The following CDH12 variants were observed in gnomAD, a reference collection of about 807,000 sequenced individuals.
CDH12 encodes cadherin-12.
A neutral mutation model predicts 74.1 loss-of-function variants in CDH12; 41 were observed. The ratio of observed to expected loss-of-function variants is 0.55; its 90% CI spans 0.43 to 0.72. The LOEUF (loss-of-function observed/expected upper bound fraction) is 0.72, where lower values mean the gene tolerates loss of function less well. Among genes scored for constraint, CDH12 ranks in the 30% least tolerant of loss-of-function variants. The probability of loss-of-function intolerance (pLI) is 0.00; values close to 1 mark genes in which losing one functional copy is unlikely to be tolerated. For missense variants in CDH12, 945 were observed against 977.2 expected (o/e 0.97, Z 0.44); for synonymous variants, 399 against 355.0 (o/e 1.12, Z -1.39).
chr5:21,780,302 C>T (rs1488888327), intron 11 of CDH12, among the ~76,000 whole-genome samples: 1 of 152,144 alleles, frequency 6.6e-6, no homozygotes, highest in Non-Finnish European at 1.5e-5. Context: ...GGACTAATAA[C>T]ACTTGCTTCC....
chr5:22,797,224 T>C (rs1337061403), intron 1 of CDH12, among the ~76,000 whole-genome samples: 1 of 149,580 alleles, frequency 6.7e-6, no homozygotes, highest in East Asian at 2.0e-4. Context: ...AGAGCTCTCT[T>C]GCACTTGCTG....
intron 1 of CDH12, among the ~76,000 whole-genome samples, chr5:22,735,817 T>G (rs1399056643): frequency 6.6e-6 from 1 of 151,902 alleles, no homozygotes; most frequent in East Asian, 1.9e-4. Context: ...TACTCATGTG[T>G]CATCTTGGGC....
intron 7 of CDH12, among the ~76,000 whole-genome samples, chr5:21,846,377 T>C (rs552749820): frequency 6.6e-6 from 1 of 152,196 alleles, no homozygotes; most frequent in East Asian, 1.9e-4. Context: ...CCTCACTCCC[T>C]GTGTGTCTGC....
rs1740456913 is a variant in CDH12, at chr5:22,052,663, T to G, written c.231+25783A>C. Among the ~76,000 whole-genome samples, 3 of 152,296 alleles carry G rather than the reference T, an allele frequency of 2.0e-5. No individual in the cohort carries two copies. In the South Asian group the frequency reaches 6.2e-4, roughly 32 times the overall value. Reference sequence around the variant, plus strand: ...AACAAATTGTATTAAAAACTTGTTTTGACAAATGGTATAGGCATTGGTTGT... The same window carrying G: ...AACAAATTGTATTAAAAACTTGTTTGGACAAATGGTATAGGCATTGGTTGT... On this transcript the variant is annotated intron_variant, in intron 5 of 14. Coordinates refer to ENST00000382254, the MANE Select transcript of CDH12 (RefSeq NM_004061.5).
chr5:22,632,154 C>A (rs965470488), intron 1 of CDH12, among the ~76,000 whole-genome samples: 3 of 151,918 alleles, frequency 2.0e-5, no homozygotes, highest in South Asian at 2.1e-4. Context: ...TACACCAAAC[C>A]CCCATGGCAC....
At chr5:22,319,219 T>C (rs778789309) in intron 3 of CDH12, among the ~76,000 whole-genome samples, 1 of 152,196 alleles carries the variant, frequency 6.6e-6, no homozygotes, top group Non-Finnish European at 1.5e-5. Context: ...GCTCCAGTTA[T>C]ATGAATTAGA....
intron 2 of CDH12, among the ~76,000 whole-genome samples, chr5:22,499,773 G>T (rs1470221531): frequency 6.6e-6 from 1 of 152,208 alleles, no homozygotes; most frequent in African/African-American, 2.4e-5. Context: ...CAAAGATAAG[G>T]CAGTGTGACT....
intron 4 of CDH12, among the ~76,000 whole-genome samples, chr5:22,192,301 C>T (rs2150347507): frequency 6.6e-6 from 1 of 152,252 alleles, no homozygotes; most frequent in Non-Finnish European, 1.5e-5. Flanking sequence ...AATATGTAGT[C>T]TGGGCCTGCA....
rs370471285 is a variant in CDH12 at position 22,097,677 on chromosome 5, C to A, written c.-186-18815G>T. Among the ~76,000 whole-genome samples, 9 of 152,198 alleles carry A rather than the reference C, an allele frequency of 5.9e-5. No individual in the cohort carries two copies. The South Asian group carries it at 1.9e-3, about 32-fold the overall frequency. On this transcript the variant is annotated intron_variant, in intron 4 of 14. Coordinates refer to ENST00000382254, the MANE Select transcript of CDH12 (RefSeq NM_004061.5). Reference sequence around the variant, plus strand: ...CCACACCTCACTGCCACCTTTTCCCCCAGTTCAAAGCCTCCTTCACATCCT... The same window carrying A: ...CCACACCTCACTGCCACCTTTTCCCACAGTTCAAAGCCTCCTTCACATCCT...
intron 1 of CDH12, among the ~76,000 whole-genome samples, chr5:22,696,637 G>A (rs1742379069): frequency 6.6e-6 from 1 of 151,892 alleles, no homozygotes; most frequent in African/African-American, 2.4e-5. Context: ...CATAACCATA[G>A]GTAGCTTAAC....
intron 3 of CDH12, among the ~76,000 whole-genome samples, chr5:22,259,287 C>T (rs1753431747): frequency 6.6e-6 from 1 of 151,838 alleles, no homozygotes; most frequent in Non-Finnish European, 1.5e-5. Flanking sequence ...TCCACATAGC[C>T]AAGTTATTTT....
At chr5:21,903,239 T>C (rs1186282657) in intron 6 of CDH12, among the ~76,000 whole-genome samples, 2 of 152,178 alleles carry the variant, frequency 1.3e-5, no homozygotes, top group African/African-American at 4.8e-5. Context: ...TGTTGAATTC[T>C]ACACAGCAAT....
At chr5:22,352,225 G>C (rs758875388) in intron 3 of CDH12, among the ~76,000 whole-genome samples, 27 of 150,666 alleles carry the variant, frequency 1.8e-4, no homozygotes, top group Admixed American at 4.0e-4. Context: ...TTTTATACTT[G>C]GTATCTGCTA....
intron 1 of CDH12, among the ~76,000 whole-genome samples, chr5:22,734,654 T>C (rs1399306922): frequency 6.6e-6 from 1 of 151,926 alleles, no homozygotes; most frequent in African/African-American, 2.4e-5. Flanking sequence ...GATGCAGGAA[T>C]CAATCTCTGC....
At chr5:21,822,234 TTATAATATTTGTA>T (rs1397770146) in intron 8 of CDH12, among the ~76,000 whole-genome samples, 2 of 28,338 alleles carry the variant, frequency 7.1e-5, no homozygotes, top group East Asian at 5.9e-4. Flanking sequence ...TATTTGTATA[TTATAATATTTGTA>T]TATAATATTT....
chr5:22,107,692 TA>T (rs1744559283), intron 4 of CDH12, among the ~76,000 whole-genome samples: 1 of 151,916 alleles, frequency 6.6e-6, no homozygotes, highest in African/African-American at 2.4e-5. Flanking sequence ...TAAGAAGAAA[TA>T]AAAAGGTAAA....
At chr5:22,583,481 C>T (rs747210935) in intron 1 of CDH12, among the ~76,000 whole-genome samples, 2 of 152,018 alleles carry the variant, frequency 1.3e-5, no homozygotes, top group Non-Finnish European at 1.5e-5. Flanking sequence ...GGTAAGTTAA[C>T]GACTATGGTG....
At chr5:22,067,568 T>C (rs185963286) in intron 5 of CDH12, among the ~76,000 whole-genome samples, 15 of 152,258 alleles carry the variant, frequency 9.9e-5, no homozygotes, top group African/African-American at 3.1e-4. Context: ...ACTGTTCTGC[T>C]GTTTAGGCTA....
intron 8 of CDH12, among the ~76,000 whole-genome samples, chr5:21,830,199 CAAAAAAAA>C (rs1055199877): frequency 3.6e-4 from 9 of 25,248 alleles, no homozygotes; most frequent in South Asian, 2.5e-3. Context: ...AACTCCTTCT[CAAAAAAAA>C]AAAAAAAAAA....
Sources: allele counts gnomAD v4.1 joint callset (sites outside exome capture counted in the v4.1 genomes callset), GRCh38; gene constraint gnomAD v4.1.1; transcripts MANE v1.5; gene names NCBI Gene and HGNC (gene_info 2026-07-23, HGNC 2026-07-21).